HDAC4: variants seen among roughly 807,000 people sequenced by gnomAD.
HDAC4 encodes histone deacetylase A.
A neutral mutation model predicts 135.1 loss-of-function variants in HDAC4; 16 were observed. The ratio of observed to expected loss-of-function variants is 0.12; its 90% CI spans 0.08 to 0.18. The LOEUF (loss-of-function observed/expected upper bound fraction) is 0.18, where lower values mean the gene tolerates loss of function less well. Ranked by LOEUF, HDAC4 falls within the 10% of genes least tolerant of loss-of-function variation. HDAC4 has a pLI of 1.00. For missense variants in HDAC4, 1,143 were observed against 1,511.8 expected (o/e 0.76, Z 4.05); for synonymous variants, 685 against 653.4 (o/e 1.05, Z -0.74).
At chr2:239,150,162 T>C (rs34647767) in intron 7 of HDAC4, among the ~76,000 whole-genome samples, 12,961 of 152,184 alleles carry the variant, frequency 0.085, 603 homozygotes, top group East Asian at 0.18. Flanking sequence ...AAAATGGGTA[T>C]TTTTGTTAAC....
intron 5 of HDAC4, among the ~76,000 whole-genome samples, chr2:239,174,979 G>A (rs564286189): frequency 6.6e-6 from 1 of 152,316 alleles, no homozygotes; most frequent in African/African-American, 2.4e-5. Context: ...TATCTTTGGG[G>A]AAGGGGGAAG....
intron 4 of HDAC4, among the ~76,000 whole-genome samples, chr2:239,187,426 G>C (rs191087480): frequency 2.0e-4 from 31 of 152,366 alleles, no homozygotes; most frequent in Admixed American, 3.9e-4. Context: ...CCTCTTGAGG[G>C]CTGCTCTTCG....
In HDAC4 at chr2:239,369,371, C is replaced by G. The variant is rs886526000; in HGVS notation, c.-219-16453G>C. On this transcript the variant is annotated intron_variant, in intron 1 of 26. Transcript: ENST00000543185. ...CGACTGCCCGGCGGGGGGTGGGCAG[C>G]CCGGGAGCCACAGGGCTCCCCAGAG... Among the ~76,000 whole-genome samples, 41 of 152,218 alleles carry G rather than the reference C, an allele frequency of 2.7e-4. 1 individual carries two copies. Among genetic ancestry groups the G allele is most frequent in the African/African-American group, 8.9e-4 (37 of 41,554 alleles).
intron 2 of HDAC4, among the ~76,000 whole-genome samples, chr2:239,289,690 C>A (rs2051351082): frequency 6.6e-6 from 1 of 152,228 alleles, no homozygotes; most frequent in Admixed American, 6.5e-5. Context: ...AGCCACCTGG[C>A]TCATCTGATG....
chr2:239,203,056 C>G (rs2045854358), intron 3 of HDAC4, among the ~76,000 whole-genome samples: 1 of 152,202 alleles, frequency 6.6e-6, no homozygotes, highest in African/African-American at 2.4e-5. Context: ...AGCCTCAGCC[C>G]TACAGGCACA....
At chr2:239,076,552 G>T (rs1315491694) in intron 22 of HDAC4, among the ~76,000 whole-genome samples, 3 of 152,008 alleles carry the variant, frequency 2.0e-5, no homozygotes. Flanking sequence ...AAGCCTCAGA[G>T]CAAACCGAGC....
At chr2:239,252,155 T>C (rs2048816349) in intron 2 of HDAC4, among the ~76,000 whole-genome samples, 1 of 152,190 alleles carries the variant, frequency 6.6e-6, no homozygotes, top group South Asian at 2.1e-4. Flanking sequence ...ACGACTGTCA[T>C]GGTGGTTCCA....
chr2:239,126,792 T>C (rs1337253005), intron 11 of HDAC4, 98 bp from the exon 12 acceptor site: 16 of 1,302,230 alleles, frequency 1.2e-5, no homozygotes, highest in South Asian at 1.2e-5. Context: ...CTGCGCCCTG[T>C]GCCCGCCAGC....
intron 6 of HDAC4, chr2:239,161,704 TAAA>T (rs2042803254): frequency 3.0e-6 from 1 of 329,252 alleles, no homozygotes. Flanking sequence ...CCCCTGCCAT[TAAA>T]GCCAGGGCAC....
intron 6 of HDAC4, among the ~76,000 whole-genome samples, chr2:239,161,025 A>G (rs2042759430): frequency 6.6e-6 from 1 of 152,122 alleles, no homozygotes; most frequent in African/African-American, 2.4e-5. Flanking sequence ...TTTGATTTGC[A>G]TTTACCTGAT....
chr2:239,203,755 A>G (rs2045894060), intron 3 of HDAC4, among the ~76,000 whole-genome samples: 1 of 152,156 alleles, frequency 6.6e-6, no homozygotes, highest in African/African-American at 2.4e-5. Flanking sequence ...GGGATTCCTC[A>G]GTCTGCAAAA....
At chr2:239,188,975 C>G (rs372465570) in intron 4 of HDAC4, among the ~76,000 whole-genome samples, 1 of 152,248 alleles carries the variant, frequency 6.6e-6, no homozygotes. Flanking sequence ...ACCCCATCAG[C>G]GAAGCTGCTC....
At chr2:239,182,952 A>C (rs2153021371) in intron 4 of HDAC4, among the ~76,000 whole-genome samples, 1 of 152,286 alleles carries the variant, frequency 6.6e-6, no homozygotes, top group East Asian at 1.9e-4. Context: ...GCTTCGAAAA[A>C]CAGGACTTTG....
chr2:239,055,532 C>G (rs544002056), intron 24 of HDAC4, among the ~76,000 whole-genome samples: 2 of 152,108 alleles, frequency 1.3e-5, no homozygotes, highest in African/African-American at 2.4e-5. Flanking sequence ...GCCTGGGCAA[C>G]GTGGTGAAAC....
intron 12 of HDAC4, among the ~76,000 whole-genome samples, chr2:239,125,323 GC>G (rs1207437784): frequency 6.6e-6 from 1 of 152,172 alleles, no homozygotes; most frequent in African/African-American, 2.4e-5. Context: ...CCCACCCCTT[GC>G]TCCTGCTCTT....
At chr2:239,251,551 A>C (rs550464751) in intron 2 of HDAC4, among the ~76,000 whole-genome samples, 2 of 152,316 alleles carry the variant, frequency 1.3e-5, no homozygotes, top group Non-Finnish European at 2.9e-5. Flanking sequence ...CCTGGGTGAC[A>C]GAGCAAGACC....
Position 239,115,218 on chromosome 2 carries a change from G to A in HDAC4, c.1626C>T (p.Asp542=), listed in dbSNP as rs114661741. ...EELREHQALL[D]EPYLDRLPGQ... ...CCGGCAGCCGGTCCAGGTAGGGCTC[G>A]TCCAGCAGAGCCTGGTGCTCACGGA... The change falls in exon 13 of 27, where the codon GAC becomes GAT. Residue 542 remains aspartate (D), a synonymous_variant. Transcript: ENST00000543185. The surrounding 1 kb of genome is among the most constrained non-coding windows in gnomAD (Gnocchi z 6.3). The A allele has an allele frequency of 1.7e-4, 275 of 1,612,176 alleles. 1 individual carries two copies. In the African/African-American group the frequency reaches 2.8e-3, roughly 16 times the overall value.
rs1028121521 is a variant in HDAC4, at chr2:239,374,950, C to T, written c.-219-22032G>A. 5.3e-5 allele frequency among the ~76,000 whole-genome samples: 8 copies of T among 152,154 alleles called. No individual in the cohort carries two copies. In the East Asian group the frequency reaches 5.8e-4, roughly 11 times the overall value. Reference sequence around the variant, plus strand: ...CAGAGACCCGATCTAAAGAGAGGGACGGTCCCTAAGGCTCACGGCCTGAAG... The same window carrying T: ...CAGAGACCCGATCTAAAGAGAGGGATGGTCCCTAAGGCTCACGGCCTGAAG... On this transcript the variant is annotated intron_variant, in intron 1 of 26. Coordinates refer to ENST00000543185, the MANE Select transcript of HDAC4 (RefSeq NM_001378414.1).
chr2:239,294,793 G>A (rs1243369390), intron 2 of HDAC4, among the ~76,000 whole-genome samples: 1 of 152,106 alleles, frequency 6.6e-6, no homozygotes, highest in Admixed American at 6.5e-5. Flanking sequence ...AAAATGGGGC[G>A]ATGCCACTCC....
Sources: allele counts gnomAD v4.1 joint callset (sites outside exome capture counted in the v4.1 genomes callset), GRCh38; gene constraint gnomAD v4.1.1; non-coding constraint Gnocchi (gnomAD v3.1); transcripts MANE v1.5; gene names NCBI Gene and HGNC (gene_info 2026-07-23, HGNC 2026-07-21).